Variants in MED14 observed in about 807,000 individuals in gnomAD.
MED14 encodes mediator complex subunit 14.
Under a neutral mutation model 109.0 loss-of-function variants are expected in MED14, and 8 were observed. The ratio of observed to expected loss-of-function variants is 0.07; its 90% CI spans 0.04 to 0.13. The LOEUF is 0.13. MED14 is among the 10% of genes least tolerant of loss of function. The pLI is 1.00. For missense variants in MED14, 711 were observed against 1,142.4 expected, an observed-to-expected ratio of 0.62 and a Z score of 5.44; for synonymous variants, 399 against 408.7, an observed-to-expected ratio of 0.98 and a Z score of 0.29.
Position 40,712,700 on chromosome X carries a change from G to A in MED14, c.781+214C>T, listed in dbSNP as rs756621574. On this transcript the variant is annotated intron_variant, in intron 6 of 30. Transcript: ENST00000324817. ...ACTACAGGAACACACCACCACGCCCGGCTAATTTTTAAATTTTTTGTAGAG... is the reference window on the plus strand; with the variant it reads ...ACTACAGGAACACACCACCACGCCCAGCTAATTTTTAAATTTTTTGTAGAG... Among the ~76,000 whole-genome samples, 8 of 110,375 alleles carry A rather than the reference G, an allele frequency of 7.2e-5. No individual in the cohort carries two copies. The East Asian group carries it at 2.0e-3, about 27-fold the overall frequency.
chrX:40,729,366 C>T (rs752101223), intron 1 of MED14, 21 bp from the exon 2 acceptor site: 13 of 1,094,563 alleles, frequency 1.2e-5, no homozygotes, highest in South Asian at 3.9e-5. Context: ...AAAAAAAAAA[C>T]GGATTAGATA....
At chrX:40,690,579 T>G (rs1021089018) in intron 15 of MED14, among the ~76,000 whole-genome samples, 2 of 111,119 alleles carry the variant, frequency 1.8e-5, no homozygotes, top group Middle Eastern at 4.6e-3. Flanking sequence ...CATGCCTGAC[T>G]AAGTTTTGTA....
chrX:40,675,474 C>G (rs1423123864), intron 21 of MED14, 113 bp from the exon 22 acceptor site: 6 of 511,136 alleles, frequency 1.2e-5, no homozygotes, highest in Non-Finnish European at 1.4e-5. Flanking sequence ...CCTTGAAGAT[C>G]GTTACTAGGA....
Position 40,651,644 on chromosome X carries a change from A to AT in MED14, c.*161dup. On this transcript the variant is annotated 3_prime_UTR_variant, in exon 31 of 31. Transcript: ENST00000324817. ...TTCATTATACAAAAGATGGATGATC[A>AT]TTTTGATGAAAGAAGTGCACCCTGA... is the stretch of plus-strand genomic sequence containing the variant. 9.6e-7 allele frequency: 1 copy of AT among 1,044,728 alleles called. No individual in the cohort carries two copies. Among genetic ancestry groups the AT allele is most frequent in the Non-Finnish European group, 1.2e-6 (1 of 815,088 alleles). The allele number at this position is 1,044,728 out of a possible 1,213,427, so 86.1% of individuals were successfully genotyped here. A position where few individuals can be genotyped will look rare whatever the true frequency, so the allele number is the denominator to read the frequency against.
chrX:40,682,088 CACAA>C (rs1473181807), intron 18 of MED14, 145 bp from the exon 19 acceptor site: 6 of 348,077 alleles, frequency 1.7e-5, no homozygotes, highest in African/African-American at 1.4e-4. Flanking sequence ...AAAGCAACAG[CACAA>C]ACAGATAATA....
Position 40,675,338 on chromosome X carries a change from G to A in MED14, c.2904C>T (p.Asp968=). The change falls in exon 22 of 31, where the codon GAC becomes GAT. Residue 968 remains aspartate, a synonymous_variant. Transcript: ENST00000324817. ...ACCTTCTTCGAGCATCCTGATTGCT[G>A]TCAACAAACATATTCAGGAACGTCT... ...GLKTFLNMFV[D]SNQDARRRSV... is the part of the protein sequence containing the mutation. The A allele has an allele frequency of 8.4e-7, 1 of 1,192,480 alleles. No homozygotes were observed. Among genetic ancestry groups the A allele is most frequent in the Non-Finnish European group, 1.1e-6 (1 of 887,089 alleles).
Position 40,649,948 on chromosome X carries a change from A to G in MED14, c.*1858T>C, listed in dbSNP as rs983030638. 1 of 752,211 alleles carries G rather than the reference A, an allele frequency of 1.3e-6. No individual in the cohort carries two copies. Among genetic ancestry groups the G allele is most frequent in the African/African-American group, 2.3e-5 (1 of 43,325 alleles). The allele number at this position is 752,211 out of a possible 1,213,427, so 62.0% of individuals were successfully genotyped here. On this transcript the variant is annotated 3_prime_UTR_variant, in exon 31 of 31. Coordinates refer to ENST00000324817, the MANE Select transcript of MED14 (RefSeq NM_004229.4). Reference sequence around the variant, plus strand: ...CATCATGTGTAAAAATGCAATTAACATTTCAAAACCACATTAAAAGGGAAA... The same window carrying G: ...CATCATGTGTAAAAATGCAATTAACGTTTCAAAACCACATTAAAAGGGAAA...
At chrX:40,689,441 C>G (rs1347715842) in intron 15 of MED14, among the ~76,000 whole-genome samples, 1 of 111,704 alleles carries the variant, frequency 9.0e-6, no homozygotes, top group Non-Finnish European at 1.9e-5. Context: ...CACCTGTAAT[C>G]CCAGCACTTT....
At chrX:40,728,511 A>G (rs1409497462) in intron 2 of MED14, among the ~76,000 whole-genome samples, 1 of 110,863 alleles carries the variant, frequency 9.0e-6, no homozygotes, top group Non-Finnish European at 1.9e-5. Context: ...AGAAATGCTA[A>G]AAAGTTGCCA....
intron 20 of MED14, among the ~76,000 whole-genome samples, chrX:40,680,543 C>T (rs1214916332): frequency 9.0e-6 from 1 of 111,237 alleles, no homozygotes; most frequent in African/African-American, 3.3e-5. Context: ...TTCAGCCTCC[C>T]AAGTAGCTGG....
chrX:40,717,601 C>T (rs911562158), intron 3 of MED14, among the ~76,000 whole-genome samples: 1 of 111,520 alleles, frequency 9.0e-6, no homozygotes, highest in South Asian at 3.8e-4. Context: ...CTGCTCACTG[C>T]GACCTCCACC....
chrX:40,685,178 G>A (rs781079539), intron 16 of MED14, among the ~76,000 whole-genome samples: 61 of 112,153 alleles, frequency 5.4e-4, no homozygotes, highest in Non-Finnish European at 1.7e-4. Flanking sequence ...AAAAATGTTT[G>A]ATTTACACAG....
chrX:40,673,847 A>C (rs1929817539), intron 22 of MED14, among the ~76,000 whole-genome samples: 1 of 12,828 alleles, frequency 7.8e-5, no homozygotes, highest in African/African-American at 1.7e-4. Context: ...ACTCCATCTC[A>C]AAAAAAAAAA....
Position 40,648,452 on chromosome X carries a change from G to A in MED14, c.*3354C>T, listed in dbSNP as rs1047682021. The stretch of plus-strand genomic sequence containing the variant: ...AAATGTCCAGTGTTTAGGAGCACTA[G>A]CTCAGACTCAAACTGCCCCTTCTTA... On this transcript the variant is annotated 3_prime_UTR_variant, in exon 31 of 31. Coordinates refer to ENST00000324817, the MANE Select transcript of MED14 (RefSeq NM_004229.4). 11 of 111,980 alleles carry A rather than the reference G, an allele frequency of 9.8e-5. No homozygotes were observed. The highest frequency in any genetic ancestry group is 2.9e-4 in the African/African-American group (9 of 30,812). The allele number at this position is 111,980 out of a possible 1,213,427, so 9.2% of individuals were successfully genotyped here.
intron 1 of MED14, among the ~76,000 whole-genome samples, chrX:40,730,567 A>G (rs1228553555): frequency 9.0e-6 from 1 of 111,072 alleles, no homozygotes; most frequent in Non-Finnish European, 1.9e-5. Flanking sequence ...CACTCCTCCT[A>G]CCTGCCTCAG....
chrX:40,715,657 G>A (rs186532379), intron 3 of MED14, among the ~76,000 whole-genome samples: 4 of 108,514 alleles, frequency 3.7e-5, no homozygotes, highest in African/African-American at 1.3e-4. Context: ...GCGGTGGCAC[G>A]AGCCTGTAGT....
chrX:40,670,776 A>T (rs780541949), intron 23 of MED14, among the ~76,000 whole-genome samples: 53 of 109,301 alleles, frequency 4.8e-4, no homozygotes, highest in East Asian at 1.1e-3. Flanking sequence ...TCAAAAAAAA[A>T]AAAAAATAAA....
chrX:40,703,636 C>T (rs1264533880), intron 10 of MED14, 67 bp from the exon 11 acceptor site: 54 of 899,499 alleles, frequency 6.0e-5, no homozygotes, highest in Non-Finnish European at 8.2e-5. Flanking sequence ...ATTTCTCAAT[C>T]AATGAGTACA....
intron 12 of MED14, among the ~76,000 whole-genome samples, chrX:40,700,475 A>G (rs1346860913): frequency 9.2e-6 from 1 of 109,136 alleles, no homozygotes; most frequent in Non-Finnish European, 1.9e-5. Flanking sequence ...AGGCTAAAAG[A>G]TTATAAAAAC....
Sources: allele counts gnomAD v4.1 joint callset (sites outside exome capture counted in the v4.1 genomes callset), GRCh38; gene constraint gnomAD v4.1.1; transcripts MANE v1.5; gene names NCBI Gene and HGNC (gene_info 2026-07-23, HGNC 2026-07-21).